The following ESR1 variants were observed in gnomAD, a reference collection of about 807,000 sequenced individuals.
ESR1 encodes estrogen receptor 1, also known as estrogen receptor.
In ESR1, 12 loss-of-function variants were observed where a neutral mutation model predicts 52.7. The ratio of observed to expected loss-of-function variants is 0.23; its 90% confidence interval spans 0.15 to 0.37. The LOEUF is 0.37. ESR1 is among the 10% of genes least tolerant of loss of function. The probability of loss-of-function intolerance (pLI) is 1.00; values close to 1 mark genes in which losing one functional copy is unlikely to be tolerated. For missense variants in ESR1, 584 were observed against 779.7 expected, an observed-to-expected ratio of 0.75 and a Z score of 2.99; for synonymous variants, 305 against 316.8, an observed-to-expected ratio of 0.96 and a Z score of 0.39.
intron 6 of ESR1, among the ~76,000 whole-genome samples, chr6:152,064,875 T>C (rs2047843140): frequency 6.6e-6 from 1 of 152,206 alleles, no homozygotes; most frequent in Admixed American, 6.5e-5. Flanking sequence ...TGTATCATGC[T>C]CTTCAGTGCT....
chr6:151,688,316 T>C (rs1276992537), upstream of ESR1, among the ~76,000 whole-genome samples: 2 of 152,230 alleles, frequency 1.3e-5, no homozygotes, highest in Non-Finnish European at 2.9e-5. Context: ...TGTGTCCTTG[T>C]GTGTAATTCC....
intron 2 of ESR1, among the ~76,000 whole-genome samples, chr6:151,769,038 T>A (rs1440866897): frequency 6.6e-6 from 1 of 152,240 alleles, no homozygotes; most frequent in Admixed American, 6.5e-5. Context: ...CTTTTATGTA[T>A]GGATACTGCC....
chr6:152,057,743 G>C (rs2047219131), intron 5 of ESR1, among the ~76,000 whole-genome samples: 1 of 151,566 alleles, frequency 6.6e-6, no homozygotes, highest in South Asian at 2.1e-4. Flanking sequence ...GAACTGAATT[G>C]AGAGTTTGGG....
At chr6:152,125,502 T>C in exon 7 of ESR1, 1 of 1,103,674 alleles carries the variant, frequency 9.1e-7, no homozygotes, top group Non-Finnish European at 1.2e-6. Context: ...TTCAATGGTT[T>C]GCCTTAAAGT....
At chr6:151,874,986 G>GA (rs145116392) in intron 2 of ESR1, among the ~76,000 whole-genome samples, 3 of 152,150 alleles carry the variant, frequency 2.0e-5, no homozygotes, top group African/African-American at 4.8e-5. Context: ...TATAGCAGGG[G>GA]AAAATGGCAT....
At chr6:152,123,325 G>A (rs2052106396) in intron 6 of ESR1, among the ~76,000 whole-genome samples, 1 of 152,170 alleles carries the variant, frequency 6.6e-6, no homozygotes, top group African/African-American at 2.4e-5. Context: ...CAGAACACTG[G>A]TGTTGTATGA....
chr6:151,800,078 G>A (rs1159813641), upstream of ESR1, among the ~76,000 whole-genome samples: 1 of 152,196 alleles, frequency 6.6e-6, no homozygotes, highest in Non-Finnish European at 1.5e-5. Flanking sequence ...GAACATGTAA[G>A]TAAAAATGTC....
At chr6:151,766,378 G>A (rs1380286751) in intron 2 of ESR1, among the ~76,000 whole-genome samples, 2 of 152,080 alleles carry the variant, frequency 1.3e-5, no homozygotes, top group Non-Finnish European at 2.9e-5. Context: ...AATTACAGGA[G>A]ACTGAGATAG....
intron 4 of ESR1, among the ~76,000 whole-genome samples, chr6:151,978,500 C>A (rs1485472536): frequency 6.6e-6 from 1 of 151,940 alleles, no homozygotes; most frequent in East Asian, 1.9e-4. Context: ...TGAAAGACAC[C>A]AATCCACAGA....
At chr6:151,901,617 T>C (rs1266455473) in intron 3 of ESR1, among the ~76,000 whole-genome samples, 1 of 152,242 alleles carries the variant, frequency 6.6e-6, no homozygotes. Context: ...GCTTTTCCCC[T>C]TGCTTTCTCT....
intron 4 of ESR1, among the ~76,000 whole-genome samples, chr6:151,971,425 T>C (rs530470951): frequency 7.2e-5 from 11 of 152,254 alleles, no homozygotes; most frequent in Non-Finnish European, 1.5e-5. Flanking sequence ...CTCCCACTTA[T>C]GAGTGAGAAT....
intron 1 of ESR1, chr6:151,656,890 C>T (rs1232702403): frequency 1.3e-5 from 2 of 152,134 alleles, no homozygotes; most frequent in Non-Finnish European, 2.9e-5. Context: ...ATAGAAAGAA[C>T]ATTTGTGTCT....
intron 3 of ESR1, among the ~76,000 whole-genome samples, chr6:151,887,719 A>G (rs1794078819): frequency 6.6e-6 from 1 of 152,154 alleles, no homozygotes; most frequent in African/African-American, 2.4e-5. Context: ...TGTGACTGTC[A>G]GTTCAGCTGG....
chr6:151,671,637 T>C (rs879700899), intron 1 of ESR1, among the ~76,000 whole-genome samples: 10 of 152,320 alleles, frequency 6.6e-5, no homozygotes, highest in Middle Eastern at 3.4e-3. Context: ...CTGTAGTTAA[T>C]AATGATGCAC....
chr6:151,865,538 A>G (rs1438038584), intron 2 of ESR1, among the ~76,000 whole-genome samples: 2 of 152,202 alleles, frequency 1.3e-5, no homozygotes, highest in Non-Finnish European at 2.9e-5. Flanking sequence ...TATTCCTGCA[A>G]TTTAGTGCAG....
At chr6:151,845,594 C>T (rs1784979130) in intron 2 of ESR1, among the ~76,000 whole-genome samples, 1 of 152,026 alleles carries the variant, frequency 6.6e-6, no homozygotes, top group African/African-American at 2.4e-5. Flanking sequence ...AACACCACCA[C>T]CACTAACAAA....
intron 2 of ESR1, among the ~76,000 whole-genome samples, chr6:151,712,008 G>T (rs753075466): frequency 2.6e-5 from 4 of 151,784 alleles, no homozygotes; most frequent in East Asian, 1.9e-4. Context: ...TTAATCTTGA[G>T]TTAATTTTTG....
chr6:151,974,411 A>C (rs2039230726), intron 4 of ESR1, among the ~76,000 whole-genome samples: 1 of 152,220 alleles, frequency 6.6e-6, no homozygotes, highest in Non-Finnish European at 1.5e-5. Flanking sequence ...GCCGGAGGTC[A>C]CACATCACCA....
At chr6:151,974,923 A>G (rs1041930845) in intron 4 of ESR1, among the ~76,000 whole-genome samples, 2 of 152,128 alleles carry the variant, frequency 1.3e-5, no homozygotes, top group African/African-American at 4.8e-5. Context: ...GTTTAGGCCC[A>G]TCCCTACTAC....
Sources: gnomAD v4.1 joint callset for allele counts (sites outside exome capture counted in the v4.1 genomes callset) on GRCh38, gnomAD v4.1.1 for gene constraint, MANE v1.5 for transcripts, NCBI Gene and HGNC (gene_info 2026-07-23, HGNC 2026-07-21) for gene names.